The following PLOD1 variants were observed in gnomAD, a reference collection of about 807,000 sequenced individuals.
PLOD1 encodes the protein procollagen-lysine,2-oxoglutarate 5-dioxygenase 1.
Under a neutral mutation model 94.7 loss-of-function variants are expected in PLOD1, and 70 were observed. That is an observed-to-expected ratio of 0.74 (90% CI 0.61 to 0.90). PLOD1 has a LOEUF of 0.90. Ranked by LOEUF, PLOD1 falls within the 40% of genes least tolerant of loss-of-function variation. PLOD1 has a pLI of 0.00. For synonymous variants in PLOD1, 417 were observed against 400.2 expected, an observed-to-expected ratio of 1.04 and a Z score of -0.50; for missense variants, 905 against 972.7, an observed-to-expected ratio of 0.93 and a Z score of 0.93.
At chr1:11,964,327 T>TGGGGGGGGGTGGGGG in intron 12 of PLOD1, 27 bp downstream of exon 12, 1 of 546,368 alleles carries the variant, frequency 1.8e-6, no homozygotes, top group Non-Finnish European at 3.2e-6. Context: ...TGGGGGTGGG[T>TGGGGGGGGGTGGGGG]GGGGGACACC....
In PLOD1 at chr1:11,954,839, A is replaced by G. The variant is rs1645727034; in HGVS notation, c.589A>G (p.Asn197Asp). 2 of 1,613,560 alleles carry G rather than the reference A, an allele frequency of 1.2e-6. No individual in the cohort carries two copies. Among genetic ancestry groups the G allele is most frequent in the Admixed American group, 1.7e-5 (1 of 60,020 alleles). ...ACCTTCTTTCCTGCAGGAGCAGATC[A>G]ATATCACCCTGGACCACCGCTGCCG... ...FLDPEKREQINITLDHRCRIF... is the reference protein window; with the variant it reads ...FLDPEKREQIDITLDHRCRIF... The change falls in exon 6 of 19, where the codon AAT (asparagine) becomes GAT (aspartate). Residue 197 changes from asparagine (N) to aspartate (D), a missense_variant. Physicochemically the swap from Asn to Asp is conservative, Grantham distance 23. Coordinates refer to ENST00000196061, the MANE Select transcript of PLOD1 (RefSeq NM_000302.4).
intron 13 of PLOD1, among the ~76,000 whole-genome samples, chr1:11,965,009 C>G (rs1328141648): frequency 3.3e-5 from 5 of 152,180 alleles, no homozygotes; most frequent in African/African-American, 1.2e-4. Context: ...TTTAGCTGAC[C>G]TGGTTTTTAT....
In PLOD1 at chr1:11,965,555, C is replaced by T. The variant is rs770368112; in HGVS notation, c.1546C>T (p.Leu516=). ...LSLDSYRTTH[L]HNDLWEVFSN... ...CCTAGACAGCTACCGCACCACCCAC[C>T]TGCACAACGACCTCTGGGAGGTGTT... The change falls in exon 14 of 19, where the codon CTG becomes TTG. Residue 516 remains leucine, a synonymous_variant. Transcript: ENST00000196061. 1 of 1,613,624 alleles carries T rather than the reference C, an allele frequency of 6.2e-7. No individual in the cohort carries two copies. Among genetic ancestry groups the T allele is most frequent in the East Asian group, 2.2e-5 (1 of 44,880 alleles).
chr1:11,950,627 C>T (rs998948644), intron 4 of PLOD1, 107 bp downstream of exon 4: 12 of 969,998 alleles, frequency 1.2e-5, no homozygotes, highest in Middle Eastern at 6.4e-4. Context: ...CACAGGTCTC[C>T]AGTGCAGAAT....
intron 16 of PLOD1, among the ~76,000 whole-genome samples, chr1:11,970,128 G>A (rs1253854412): frequency 1.3e-5 from 2 of 151,314 alleles, no homozygotes; most frequent in East Asian, 3.9e-4. Flanking sequence ...GCGCACGCCT[G>A]TAATCCCAGC....
chr1:11,967,644 A>G (rs1390287245), intron 16 of PLOD1, among the ~76,000 whole-genome samples: 2 of 111,918 alleles, frequency 1.8e-5, no homozygotes, highest in African/African-American at 3.2e-5. Flanking sequence ...TTTTATTTAT[A>G]TATATATATA....
chr1:11,961,327 T>C (rs1645776769), intron 10 of PLOD1, among the ~76,000 whole-genome samples: 1 of 152,140 alleles, frequency 6.6e-6, no homozygotes, highest in Admixed American at 6.5e-5. Context: ...CGAGGTTGCA[T>C]GAGCTATGAT....
At chr1:11,959,567 C>T (rs1277091406) in intron 9 of PLOD1, among the ~76,000 whole-genome samples, 1 of 151,100 alleles carries the variant, frequency 6.6e-6, no homozygotes, top group African/African-American at 2.4e-5. Context: ...CTCAGCCTCC[C>T]AAGTAACTGA....
In PLOD1 at chr1:11,957,110, C is replaced by G; in HGVS notation, c.741+96C>G. ...CACAGTGTCTCCCTGGGGCCAGGGC[C>G]ACCTTCCTGGGGCCTGCTATGAACT... On this transcript the variant is annotated intron_variant, in intron 7 of 18. Transcript: ENST00000196061. This position sits in a 1 kb window ranked among gnomAD's most constrained non-coding sequence, Gnocchi z 4.1. 1.2e-6 allele frequency: 1 copy of G among 853,732 alleles called. No individual in the cohort carries two copies. The highest frequency in any genetic ancestry group is 2.1e-6 in the Non-Finnish European group (1 of 486,884). The allele number at this position is 853,732 out of a possible 1,614,324, so 52.9% of individuals were successfully genotyped here.
At chr1:11,950,711 G>T (rs1335169923) in intron 4 of PLOD1, among the ~76,000 whole-genome samples, 191 bp downstream of exon 4, 1 of 152,052 alleles carries the variant, frequency 6.6e-6, no homozygotes, top group Admixed American at 6.6e-5. Flanking sequence ...CAACAGACAC[G>T]CAGCCCCATA....
chr1:11,948,895 A>G (rs1645676646), intron 2 of PLOD1, among the ~76,000 whole-genome samples: 2 of 152,144 alleles, frequency 1.3e-5, no homozygotes, highest in African/African-American at 4.8e-5. Context: ...GGCACTGGCA[A>G]TAGGGTGATG....
chr1:11,952,708 C>G lies in PLOD1; in HGVS notation c.552C>G (p.Thr184=). ...QDSDSDQLFY[T]KIFLDPEKRE... is the part of the protein sequence containing the mutation. ...GCGACAGCGATCAGCTGTTTTACAC[C>G]AAGATCTTCTTGGACCCGGAGAAGA... The change falls in exon 5 of 19, where the codon ACC becomes ACG. Residue 184 remains threonine (T), a synonymous_variant. Coordinates refer to ENST00000196061, the MANE Select transcript of PLOD1 (RefSeq NM_000302.4). 6.2e-7 allele frequency: 1 copy of G among 1,613,670 alleles called. No individual in the cohort carries two copies. The highest frequency in any genetic ancestry group is 2.2e-5 in the East Asian group (1 of 44,878).
chr1:11,953,176 G>A (rs758978580), intron 5 of PLOD1, among the ~76,000 whole-genome samples: 80 of 152,056 alleles, frequency 5.3e-4, no homozygotes, highest in Non-Finnish European at 9.6e-4. Flanking sequence ...GAGCCTCAGC[G>A]TCTCGAGTAG....
intron 1 of PLOD1, among the ~76,000 whole-genome samples, chr1:11,947,349 C>T (rs1196019197): frequency 6.6e-6 from 1 of 152,086 alleles, no homozygotes; most frequent in Non-Finnish European, 1.5e-5. Flanking sequence ...TGAAGCAGAT[C>T]ACCAGAGGTC....
In PLOD1 at chr1:11,960,885, T is replaced by G. The variant is rs1645773816; in HGVS notation, c.1097+118T>G. 6.1e-6 allele frequency: 9 copies of G among 1,464,814 alleles called. No individual in the cohort carries two copies. The South Asian group carries it at 1.1e-4, about 18-fold the overall frequency. 90.7% of individuals were successfully genotyped at this position (1,464,814 alleles called of 1,614,324 possible). A position where few individuals can be genotyped will look rare whatever the true frequency, so the allele number is the denominator to read the frequency against. On this transcript the variant is annotated intron_variant, in intron 10 of 18. Transcript: ENST00000196061. Reference sequence around the variant, plus strand: ...GAAGGCTGTGTGTGCTCTAGCAAGTTCCTGCCCCTTTCTGGGCCTTGGAGT... The same window carrying G: ...GAAGGCTGTGTGTGCTCTAGCAAGTGCCTGCCCCTTTCTGGGCCTTGGAGT...
intron 1 of PLOD1, among the ~76,000 whole-genome samples, chr1:11,942,032 G>C (rs1461577535): frequency 6.7e-6 from 1 of 149,570 alleles, no homozygotes; most frequent in Non-Finnish European, 1.5e-5. Context: ...GCCCAGGCTG[G>C]AGTACAGTGG....
intron 1 of PLOD1, chr1:11,944,561 G>A: frequency 7.4e-7 from 1 of 1,354,684 alleles, no homozygotes; most frequent in Middle Eastern, 2.1e-4. Context: ...GGTGGCTCTG[G>A]TTCTCTTCAC....
intron 16 of PLOD1, among the ~76,000 whole-genome samples, chr1:11,967,788 C>T (rs1645832440): frequency 6.7e-6 from 1 of 150,146 alleles, no homozygotes; most frequent in African/African-American, 2.4e-5. Context: ...CTCACTCTGT[C>T]GCCCAGGCTG....
rs1009985622 is a variant in PLOD1, at chr1:11,948,845, C to T, written c.168+778C>T. On this transcript the variant is annotated intron_variant, in intron 2 of 18. Transcript: ENST00000196061. ...CATGGGGCTGAGCCCTGCAGGGAGA[C>T]GAGTATCCTGAGTGCTTCCTTATGT... is the stretch of plus-strand genomic sequence containing the variant. Among the ~76,000 whole-genome samples the T allele has an allele frequency of 2.4e-3, 358 of 152,284 alleles. 3 individuals are homozygous for T. Among genetic ancestry groups the T allele is most frequent in the Non-Finnish European group, 7.1e-4 (48 of 68,034 alleles).
Sources: allele counts gnomAD v4.1 joint callset (sites outside exome capture counted in the v4.1 genomes callset), GRCh38; gene constraint gnomAD v4.1.1; non-coding constraint Gnocchi (gnomAD v3.1); transcripts MANE v1.5; gene names NCBI Gene and HGNC (gene_info 2026-07-23, HGNC 2026-07-21).